Variants in STIM1 observed in about 807,000 individuals in gnomAD.
STIM1 encodes stromal interaction molecule 1.
A neutral mutation model predicts 74.7 loss-of-function variants in STIM1; 25 were observed. The observed-to-expected ratio is 0.33, with a 90% CI of 0.24 to 0.47. The LOEUF (loss-of-function observed/expected upper bound fraction) is 0.47, where lower values mean the gene tolerates loss of function less well. STIM1 is among the 20% of genes least tolerant of loss of function. STIM1 has a pLI of 1.00. For missense variants in STIM1, 728 were observed against 920.8 expected, an observed-to-expected ratio of 0.79 and a Z score of 2.71; for synonymous variants, 328 against 348.8, an observed-to-expected ratio of 0.94 and a Z score of 0.66.
At chr11:4,048,297 G>T (rs1040203988) in intron 3 of STIM1, among the ~76,000 whole-genome samples, 1 of 152,162 alleles carries the variant, frequency 6.6e-6, no homozygotes, top group African/African-American at 2.4e-5. Context: ...GACCTGCAGT[G>T]CTGACTTAAA....
At chr11:4,027,555 C>T (rs1314684380) in intron 3 of STIM1, among the ~76,000 whole-genome samples, 1 of 152,186 alleles carries the variant, frequency 6.6e-6, no homozygotes, top group Non-Finnish European at 1.5e-5. Flanking sequence ...ACCTCATTAT[C>T]TGCCCACCTC....
At chr11:4,043,897 C>A (rs1033248325) in intron 3 of STIM1, among the ~76,000 whole-genome samples, 1 of 152,088 alleles carries the variant, frequency 6.6e-6, no homozygotes, top group African/African-American at 2.4e-5. Flanking sequence ...TGCCTGTAAT[C>A]CCAGCTACTC....
At chr11:4,091,091 A>G (rs926764397) in intron 12 of STIM1, among the ~76,000 whole-genome samples, 191 bp from the exon 13 acceptor site, 1 of 151,248 alleles carries the variant, frequency 6.6e-6, no homozygotes, top group Non-Finnish European at 1.5e-5. Flanking sequence ...TGGCTGCTCA[A>G]CTTCTGTCTA....
intron 2 of STIM1, among the ~76,000 whole-genome samples, chr11:4,010,289 G>A (rs2093823537): frequency 6.6e-6 from 1 of 151,472 alleles, no homozygotes; most frequent in Non-Finnish European, 1.5e-5. Flanking sequence ...TTGTGCCTCA[G>A]CCTCCCAAGT....
At chr11:3,868,833 C>T (rs907832141) in intron 1 of STIM1, among the ~76,000 whole-genome samples, 1 of 152,288 alleles carries the variant, frequency 6.6e-6, no homozygotes, top group Non-Finnish European at 1.5e-5. Flanking sequence ...TCTCTTCAGT[C>T]AACATTTAGC....
chr11:3,994,599 G>A (rs1423875698), intron 2 of STIM1, among the ~76,000 whole-genome samples: 13 of 151,478 alleles, frequency 8.6e-5, no homozygotes, highest in African/African-American at 2.7e-4. Context: ...AGCTGGGATC[G>A]CAGGCGTACA....
At chr11:3,958,967 G>T (rs76230007) in intron 1 of STIM1, among the ~76,000 whole-genome samples, 1 of 130,032 alleles carries the variant, frequency 7.7e-6, no homozygotes, top group South Asian at 2.6e-4. Context: ...AAAAAAAAAA[G>T]ACTTTACATT....
At chr11:3,958,181 C>T (rs1039882279) in intron 1 of STIM1, among the ~76,000 whole-genome samples, 3 of 152,068 alleles carry the variant, frequency 2.0e-5, no homozygotes, top group South Asian at 2.1e-4. Context: ...TTTTGATGAG[C>T]GACCTCAGGG....
In STIM1 at chr11:3,955,462, A is replaced by C. The variant is rs1028209434; in HGVS notation, c.140-12090A>C. On this transcript the variant is annotated intron_variant, in intron 1 of 12. Coordinates refer to ENST00000526596, the MANE Select transcript of STIM1 (RefSeq NM_001382567.1). ...TGATGATACAAGTCAGAATGTGGTT[A>C]CTGTGGGGTATGGTTACTCATGGTA... Among the ~76,000 whole-genome samples, 3 of 152,342 alleles carry C rather than the reference A, an allele frequency of 2.0e-5. No individual in the cohort carries two copies. In the South Asian group the frequency reaches 6.2e-4, roughly 32 times the overall value.
chr11:3,987,006 G>A (rs185730629), intron 2 of STIM1, among the ~76,000 whole-genome samples: 1 of 152,200 alleles, frequency 6.6e-6, no homozygotes, highest in African/African-American at 2.4e-5. Context: ...GCCACTTGGT[G>A]TCTTGAGGAG....
chr11:4,089,131 G>C (rs1486411230), intron 12 of STIM1: 1 of 243,778 alleles, frequency 4.1e-6, no homozygotes, highest in Non-Finnish European at 8.4e-6. Context: ...AGCTACATAG[G>C]AGGATCACTT....
In STIM1 at chr11:3,979,309, TG is replaced by T. The variant is rs1352969143; in HGVS notation, c.270+11628del. The stretch of plus-strand genomic sequence containing the variant: ...CCCGGAAAGCCCATGTTGTACATGC[TG>T]CCAGTGATCTTCCTAACCTACATTT... On this transcript the variant is annotated intron_variant, in intron 2 of 12. Coordinates refer to ENST00000526596, the MANE Select transcript of STIM1 (RefSeq NM_001382567.1). Among the ~76,000 whole-genome samples, 8 of 152,364 alleles carry T rather than the reference TG, an allele frequency of 5.3e-5. No homozygotes were observed. The South Asian group carries it at 1.7e-3, about 32-fold the overall frequency.
At chr11:3,901,026 A>G (rs1027726957) in intron 1 of STIM1, among the ~76,000 whole-genome samples, 4 of 152,346 alleles carry the variant, frequency 2.6e-5, no homozygotes, top group Admixed American at 6.5e-5. Flanking sequence ...CCCTGTCTCT[A>G]TTAAAAATAC....
At chr11:3,961,692 T>C (rs192607355) in intron 1 of STIM1, among the ~76,000 whole-genome samples, 12 of 152,020 alleles carry the variant, frequency 7.9e-5, no homozygotes, top group African/African-American at 2.9e-4. Context: ...TATTTTTTAG[T>C]AGAGATGGGG....
At chr11:3,878,599 T>C (rs2091383369) in intron 1 of STIM1, among the ~76,000 whole-genome samples, 1 of 152,196 alleles carries the variant, frequency 6.6e-6, no homozygotes, top group Non-Finnish European at 1.5e-5. Context: ...CAGGTCTGTC[T>C]CATTACAGAA....
chr11:4,040,537 C>CTTA (rs906236650), intron 3 of STIM1, among the ~76,000 whole-genome samples: 5 of 152,234 alleles, frequency 3.3e-5, no homozygotes, highest in Non-Finnish European at 7.3e-5. Context: ...CTTCACAGCC[C>CTTA]TTAGCACACT....
At chr11:3,954,235 T>C (rs1230206527) in intron 1 of STIM1, among the ~76,000 whole-genome samples, 8 of 152,220 alleles carry the variant, frequency 5.3e-5, no homozygotes, top group African/African-American at 1.9e-4. Flanking sequence ...CTTGCCATAT[T>C]TTACTTTGTA....
chr11:4,071,961 C>T (rs1032661537), intron 6 of STIM1, among the ~76,000 whole-genome samples: 11 of 152,196 alleles, frequency 7.2e-5, no homozygotes, highest in African/African-American at 2.2e-4. Flanking sequence ...AAGCTGATTC[C>T]TGGCTACTTT....
chr11:3,892,739 C>T (rs1180240695), intron 1 of STIM1: 2 of 1,613,076 alleles, frequency 1.2e-6, no homozygotes, highest in Admixed American at 3.3e-5. Flanking sequence ...AAAGCAGGAA[C>T]CCTTATAACC....
Sources: gnomAD v4.1 joint callset for allele counts (sites outside exome capture counted in the v4.1 genomes callset) on GRCh38, gnomAD v4.1.1 for gene constraint, MANE v1.5 for transcripts, NCBI Gene and HGNC (gene_info 2026-07-23, HGNC 2026-07-21) for gene names.